The following CD2AP variants were observed in gnomAD, a reference collection of about 807,000 sequenced individuals.
The protein encoded by CD2AP is CD2 associated protein, also known as CD2-associated protein.
A neutral mutation model predicts 85.1 loss-of-function variants in CD2AP; 46 were observed. That is an observed-to-expected ratio of 0.54 (90% CI 0.43 to 0.69). The LOEUF (loss-of-function observed/expected upper bound fraction) is 0.69. Among genes scored for constraint, CD2AP ranks in the 30% least tolerant of loss-of-function variants. The pLI is 0.00. For synonymous variants in CD2AP, 255 were observed against 252.9 expected (o/e 1.01, Z -0.08); for missense variants, 769 against 729.5 (o/e 1.05, Z -0.62).
intron 5 of CD2AP, among the ~76,000 whole-genome samples, chr6:47,559,598 T>C (rs976522466): frequency 3.3e-5 from 5 of 152,130 alleles, no homozygotes; most frequent in African/African-American, 1.2e-4. Context: ...TATTTTAAAA[T>C]TTAATAGATG....
intron 5 of CD2AP, among the ~76,000 whole-genome samples, chr6:47,572,860 G>C (rs1266547405): frequency 6.6e-6 from 1 of 152,178 alleles, no homozygotes; most frequent in Non-Finnish European, 1.5e-5. Context: ...GCCTGGTACA[G>C]AATTAGCTCT....
intron 2 of CD2AP, among the ~76,000 whole-genome samples, chr6:47,513,239 C>G (rs1872505): frequency 0.27 from 40,777 of 151,312 alleles, 5,657 homozygotes; most frequent in African/African-American, 0.33. Flanking sequence ...GCTCTTAAAT[C>G]CTGGTGCTCA....
chr6:47,602,960 G>A (rs1769180999), intron 13 of CD2AP, among the ~76,000 whole-genome samples: 1 of 151,922 alleles, frequency 6.6e-6, no homozygotes, highest in African/African-American at 2.4e-5. Flanking sequence ...AGCATTCATT[G>A]TTGAATAAGG....
intron 5 of CD2AP, among the ~76,000 whole-genome samples, chr6:47,571,299 A>G (rs1239557314): frequency 1.3e-5 from 2 of 152,204 alleles, no homozygotes; most frequent in East Asian, 1.9e-4. Flanking sequence ...CTTTTCCACC[A>G]TACAAACTTG....
At chr6:47,590,171 G>T (rs1562046696) in intron 11 of CD2AP, among the ~76,000 whole-genome samples, 1 of 152,090 alleles carries the variant, frequency 6.6e-6, no homozygotes, top group African/African-American at 2.4e-5. Context: ...GCCTTTAGGG[G>T]ATCTAGATAT....
At chr6:47,556,391 T>TC (rs1767691842) in intron 5 of CD2AP, among the ~76,000 whole-genome samples, 2 of 24,962 alleles carry the variant, frequency 8.0e-5, no homozygotes, top group African/African-American at 2.2e-4. Flanking sequence ...AACTCATTCT[T>TC]TTTTTTTTTA....
rs1765403280 is a variant in CD2AP, at chr6:47,479,933, T to G, written c.4+1685T>G. On this transcript the variant is annotated intron_variant, in intron 1 of 17. Transcript: ENST00000359314. ...TGGAAATCATATTCAGGTTTGTGAT[T>G]CTGCATAGGGGAAAAATCAGTAGGC... Among the ~76,000 whole-genome samples the G allele has an allele frequency of 3.3e-5, 5 of 152,256 alleles. No homozygotes were observed. In the South Asian group the frequency reaches 1.0e-3, roughly 32 times the overall value.
chr6:47,520,906 A>T (rs781225141), intron 2 of CD2AP, among the ~76,000 whole-genome samples: 1 of 151,412 alleles, frequency 6.6e-6, no homozygotes, highest in Non-Finnish European at 1.5e-5. Flanking sequence ...TGGCATTTCT[A>T]TGTTGCAGAC....
At chr6:47,527,509 T>C (rs1219270222) in intron 2 of CD2AP, among the ~76,000 whole-genome samples, 3 of 152,224 alleles carry the variant, frequency 2.0e-5, no homozygotes, top group Non-Finnish European at 4.4e-5. Flanking sequence ...CACTTCTCTT[T>C]CAGTCCTTTC....
intron 17 of CD2AP, among the ~76,000 whole-genome samples, chr6:47,621,936 C>T (rs1769756149): frequency 6.6e-6 from 1 of 152,154 alleles, no homozygotes; most frequent in Non-Finnish European, 1.5e-5. Flanking sequence ...TCTTCCACTA[C>T]TAGGGTGGGT....
chr6:47,572,503 T>A (rs958583125), intron 5 of CD2AP, among the ~76,000 whole-genome samples: 3 of 152,242 alleles, frequency 2.0e-5, no homozygotes, highest in African/African-American at 7.2e-5. Context: ...TTAGGGTAGA[T>A]CACTATACTT....
At chr6:47,505,436 A>G (rs539629976) in intron 2 of CD2AP, among the ~76,000 whole-genome samples, 42 of 150,492 alleles carry the variant, frequency 2.8e-4, no homozygotes, top group African/African-American at 9.3e-4. Context: ...CTCTTTCTAC[A>G]CAGACACGGC....
intron 13 of CD2AP, among the ~76,000 whole-genome samples, chr6:47,604,541 A>G (rs1769219756): frequency 6.6e-6 from 1 of 152,042 alleles, no homozygotes; most frequent in East Asian, 1.9e-4. Context: ...AATAATCTCT[A>G]CAGGCTAAAA....
At chr6:47,483,177 G>T (rs989077856) in intron 1 of CD2AP, among the ~76,000 whole-genome samples, 2 of 152,212 alleles carry the variant, frequency 1.3e-5, no homozygotes, top group African/African-American at 4.8e-5. Flanking sequence ...TTTAACACAA[G>T]CAGGATTTGG....
Position 47,626,481 on chromosome 6 carries a change from G to GTT in CD2AP, c.*2255_*2256dup, listed in dbSNP as rs1484857872. On this transcript the variant is annotated 3_prime_UTR_variant, in exon 18 of 18. Transcript: ENST00000359314. ...CTACGTGTGAGTATAAAAGACAAAA[G>GTT]TTGAACAGCATGGAATCTCATTGCC... The GTT allele has an allele frequency of 1.3e-5, 2 of 152,400 alleles. No homozygotes were observed. Among genetic ancestry groups the GTT allele is most frequent in the Admixed American group, 1.3e-4 (2 of 15,272 alleles). The allele number at this position is 152,400 out of a possible 1,614,324, so 9.4% of individuals were successfully genotyped here.
At chr6:47,513,155 T>C (rs1394983558) in intron 2 of CD2AP, among the ~76,000 whole-genome samples, 5 of 151,912 alleles carry the variant, frequency 3.3e-5, no homozygotes, top group Non-Finnish European at 5.9e-5. Context: ...TTTTTTTTTT[T>C]TTTTCTTCTT....
intron 5 of CD2AP, chr6:47,562,580 T>G: frequency 2.8e-6 from 1 of 354,416 alleles, no homozygotes; most frequent in Non-Finnish European, 5.2e-6. Context: ...AAAGCTTGGA[T>G]GTGTTGAAGA....
At chr6:47,505,036 T>TA (rs1554168584) in intron 2 of CD2AP, among the ~76,000 whole-genome samples, 3 of 104,218 alleles carry the variant, frequency 2.9e-5, no homozygotes, top group African/African-American at 1.1e-4. Flanking sequence ...TTTTTTTTTT[T>TA]AATTTATTTT....
At chr6:47,600,645 C>T (rs191802391) in intron 13 of CD2AP, among the ~76,000 whole-genome samples, 270 of 151,794 alleles carry the variant, frequency 1.8e-3, no homozygotes, top group Non-Finnish European at 3.2e-3. Context: ...GAAATTTATT[C>T]GGTATGTTTT....
Sources: allele counts gnomAD v4.1 joint callset (sites outside exome capture counted in the v4.1 genomes callset), GRCh38; gene constraint gnomAD v4.1.1; transcripts MANE v1.5; gene names NCBI Gene and HGNC (gene_info 2026-07-23, HGNC 2026-07-21).